The following VEGFC variants were observed in gnomAD, a reference collection of about 807,000 sequenced individuals.
VEGFC encodes the protein vascular endothelial growth factor C, also known as FLT4 ligand DHM.
VEGFC carries 12 observed loss-of-function variants against 46.1 expected under a neutral mutation model. The ratio of observed to expected loss-of-function variants is 0.26; its 90% CI spans 0.17 to 0.42. The LOEUF (loss-of-function observed/expected upper bound fraction) is 0.42, where lower values mean the gene tolerates loss of function less well. Ranked by LOEUF, VEGFC falls within the 10% of genes least tolerant of loss-of-function variation. The pLI, the probability that VEGFC is intolerant of heterozygous loss-of-function variation, is 1.00. For missense variants in VEGFC, 488 were observed against 529.4 expected, an observed-to-expected ratio of 0.92 and a Z score of 0.77; for synonymous variants, 232 against 195.5, an observed-to-expected ratio of 1.19 and a Z score of -1.56.
chr4:176,706,909 A>C lies in VEGFC; in HGVS notation c.704+4590T>G, dbSNP rs369153917. 5.9e-5 allele frequency among the ~76,000 whole-genome samples: 9 copies of C among 152,302 alleles called. 1 individual carries two copies. The highest frequency in any genetic ancestry group is 2.0e-4 in the Admixed American group (3 of 15,300). The stretch of plus-strand genomic sequence containing the variant: ...TCAGTCAATCCTGATCCAAATCCTC[A>C]AACAAACACTGAATTGCGTTCTCTC... On this transcript the variant is annotated intron_variant, in intron 4 of 6. Coordinates refer to ENST00000618562, the MANE Select transcript of VEGFC (RefSeq NM_005429.5).
chr4:176,729,482 C>T, intron 2 of VEGFC, 51 bp downstream of exon 2: 1 of 1,504,914 alleles, frequency 6.6e-7, no homozygotes, highest in Non-Finnish European at 9.0e-7. Context: ...CTGGCAACTT[C>T]TACTGGTTTG....
chr4:176,752,378 G>A (rs868168418), intron 1 of VEGFC, among the ~76,000 whole-genome samples: 3 of 152,008 alleles, frequency 2.0e-5, no homozygotes, highest in Admixed American at 1.3e-4. Flanking sequence ...CACTCCGAAT[G>A]GCCTGCTGAC....
rs114493462 is a variant in VEGFC at position 176,710,631 on chromosome 4, T to C, written c.704+868A>G. 7.3e-3 allele frequency among the ~76,000 whole-genome samples: 1,109 copies of C among 152,314 alleles called. 14 individuals carry two copies. The highest frequency in any genetic ancestry group is 0.025 in the African/African-American group (1,052 of 41,574). ...TTTTTGTAATATATATGTATTTTGA[T>C]CAATTTATTTATACATTTGTTACAA... On this transcript the variant is annotated intron_variant, in intron 4 of 6. Transcript: ENST00000618562.
chr4:176,709,794 G>C (rs1468042259), intron 4 of VEGFC, among the ~76,000 whole-genome samples: 1 of 152,150 alleles, frequency 6.6e-6, no homozygotes. Context: ...GCCTTTTAAA[G>C]CTTACTTCAT....
intron 3 of VEGFC, among the ~76,000 whole-genome samples, chr4:176,717,094 A>G (rs967412121): frequency 6.6e-6 from 1 of 152,304 alleles, no homozygotes; most frequent in African/African-American, 2.4e-5. Context: ...ACAGTTTTAT[A>G]CAATAAAGTG....
At chr4:176,769,400 G>T (rs1390003287) in intron 1 of VEGFC, among the ~76,000 whole-genome samples, 1 of 152,110 alleles carries the variant, frequency 6.6e-6, no homozygotes, top group Non-Finnish European at 1.5e-5. Flanking sequence ...GGTCTCACCT[G>T]TGACCATCAC....
intron 4 of VEGFC, among the ~76,000 whole-genome samples, chr4:176,692,891 T>C (rs865947619): frequency 0.023 from 3,337 of 144,650 alleles, 65 homozygotes; most frequent in African/African-American, 0.034. Flanking sequence ...CAGCAGGGTA[T>C]TCCAACAGAC....
In VEGFC at chr4:176,683,856, A is replaced by G; in HGVS notation, c.*70T>C. On this transcript the variant is annotated 3_prime_UTR_variant, in exon 7 of 7. Transcript: ENST00000618562. The stretch of plus-strand genomic sequence containing the variant: ...TGGACCCACAAGGGTCTCTCTGTTC[A>G]CAGACAGTTCTACTGTGGCAACACA... 2 of 1,303,066 alleles carry G rather than the reference A, an allele frequency of 1.5e-6. No individual in the cohort carries two copies. Among genetic ancestry groups the G allele is most frequent in the Non-Finnish European group, 1.1e-6 (1 of 899,346 alleles). 80.7% of individuals were successfully genotyped at this position (1,303,066 alleles called of 1,614,324 possible).
chr4:176,713,406 T>C (rs1734649398), intron 3 of VEGFC, among the ~76,000 whole-genome samples: 1 of 152,168 alleles, frequency 6.6e-6, no homozygotes, highest in Admixed American at 6.5e-5. Flanking sequence ...ATCTATGGAA[T>C]CTATATTAAG....
At chr4:176,700,015 T>C (rs1293448076) in intron 4 of VEGFC, among the ~76,000 whole-genome samples, 1 of 152,186 alleles carries the variant, frequency 6.6e-6, no homozygotes, top group Non-Finnish European at 1.5e-5. Context: ...TGTTCAGATA[T>C]TAAAGGAAAA....
chr4:176,697,354 C>T (rs1188127227), intron 4 of VEGFC, among the ~76,000 whole-genome samples: 1 of 151,874 alleles, frequency 6.6e-6, no homozygotes. Flanking sequence ...CAAAAGAAGA[C>T]ATTTATGCAG....
At chr4:176,768,449 A>T (rs945994575) in intron 1 of VEGFC, among the ~76,000 whole-genome samples, 1 of 145,784 alleles carries the variant, frequency 6.9e-6, no homozygotes, top group Non-Finnish European at 1.5e-5. Flanking sequence ...AAAAATAATG[A>T]TCAAACATTG....
intron 1 of VEGFC, among the ~76,000 whole-genome samples, chr4:176,732,269 C>T (rs1734980641): frequency 1.3e-5 from 2 of 151,832 alleles, no homozygotes; most frequent in Non-Finnish European, 2.9e-5. Context: ...TGTATGATGG[C>T]AAAAGTGAAA....
intron 4 of VEGFC, among the ~76,000 whole-genome samples, chr4:176,708,352 T>C (rs1424941754): frequency 6.6e-6 from 1 of 152,046 alleles, no homozygotes. Context: ...AATTTAAATG[T>C]TAACTTAAAC....
intron 1 of VEGFC, among the ~76,000 whole-genome samples, chr4:176,737,470 C>G (rs965598301): frequency 6.7e-6 from 1 of 149,928 alleles, no homozygotes; most frequent in African/African-American, 2.4e-5. Context: ...AGAATTTATT[C>G]AATGTTTCCT....
At chr4:176,752,926 C>T (rs1324670537) in intron 1 of VEGFC, among the ~76,000 whole-genome samples, 2 of 151,858 alleles carry the variant, frequency 1.3e-5, no homozygotes, top group African/African-American at 2.4e-5. Flanking sequence ...ATTTTAAGGA[C>T]CAAAACTATA....
intron 1 of VEGFC, among the ~76,000 whole-genome samples, chr4:176,785,963 T>A (rs376948831): frequency 1.2e-4 from 18 of 145,674 alleles, no homozygotes; most frequent in African/African-American, 4.4e-4. Context: ...AGCACAATGA[T>A]GGGTGCCTAC....
intron 1 of VEGFC, among the ~76,000 whole-genome samples, chr4:176,771,330 G>A (rs377617885): frequency 1.3e-5 from 2 of 152,070 alleles, no homozygotes; most frequent in East Asian, 3.9e-4. Flanking sequence ...AAGTTCAAAT[G>A]CCCTTATAAT....
chr4:176,719,960 G>A (rs1457767581), intron 3 of VEGFC, among the ~76,000 whole-genome samples: 1 of 152,002 alleles, frequency 6.6e-6, no homozygotes, highest in Non-Finnish European at 1.5e-5. Context: ...TCGGGAGGCT[G>A]AGGCAGGAGA....
Sources: gnomAD v4.1 joint callset for allele counts (sites outside exome capture counted in the v4.1 genomes callset) on GRCh38, gnomAD v4.1.1 for gene constraint, MANE v1.5 for transcripts, NCBI Gene and HGNC (gene_info 2026-07-23, HGNC 2026-07-21) for gene names.